The following STAB2 variants were observed in gnomAD, a reference collection of about 807,000 sequenced individuals.
STAB2 encodes the protein stabilin-2.
STAB2 carries 288 observed loss-of-function variants against 338.1 expected under a neutral mutation model. The observed-to-expected ratio is 0.85, with a 90% CI of 0.77 to 0.94. The LOEUF (loss-of-function observed/expected upper bound fraction) is 0.94. Ranked by LOEUF, STAB2 falls within the 40% of genes least tolerant of loss-of-function variation. STAB2 has a pLI of 0.00. For synonymous variants in STAB2, 1,202 were observed against 1,193.3 expected, an observed-to-expected ratio of 1.01 and a Z score of -0.15; for missense variants, 3,141 against 3,210.1, an observed-to-expected ratio of 0.98 and a Z score of 0.52.
intron 60 of STAB2, 51 bp downstream of exon 60, chr12:103,750,771 G>C: frequency 1.9e-6 from 3 of 1,562,696 alleles, no homozygotes; most frequent in Non-Finnish European, 2.6e-6. Flanking sequence ...TTCAGGCCTG[G>C]GGAAGGGACC....
chr12:103,594,403 T>C lies in STAB2; in HGVS notation c.224T>C (p.Phe75Ser), dbSNP rs762080838. 5.6e-6 allele frequency: 9 copies of C among 1,613,776 alleles called. No individual in the cohort carries two copies. Among genetic ancestry groups the C allele is most frequent in the Non-Finnish European group, 7.6e-6 (9 of 1,179,706 alleles). Reference sequence around the variant, plus strand: ...TCTCTTTACCCTCCAAGGTACACCTTTGAGGTCAGAACATACTCTCTGTCT... The same window carrying C: ...TCTCTTTACCCTCCAAGGTACACCTCTGAGGTCAGAACATACTCTCTGTCT... ...SVGVRDCRYT[F>S]EVRTYSLSLP... The change falls in exon 3 of 69, where the codon TTT becomes TCT. Residue 75 changes from phenylalanine to serine, a missense_variant. Coordinates refer to ENST00000388887, the MANE Select transcript of STAB2 (RefSeq NM_017564.10).
In STAB2 at chr12:103,587,573, C is replaced by T; in HGVS notation, c.81+16C>T. On this transcript the variant is annotated intron_variant, in intron 1 of 68. Coordinates refer to ENST00000388887, the MANE Select transcript of STAB2 (RefSeq NM_017564.10). The stretch of plus-strand genomic sequence containing the variant: ...CACAGGGCAGGTAAGAGGAGACTTA[C>T]ATATTTTTTTCATTTGTTAATTGTC... 2 of 1,606,500 alleles carry T rather than the reference C, an allele frequency of 1.2e-6. No individual in the cohort carries two copies. Among genetic ancestry groups the T allele is most frequent in the Non-Finnish European group, 1.7e-6 (2 of 1,173,712 alleles).
At chr12:103,727,100 T>G (rs778577399) in intron 46 of STAB2, among the ~76,000 whole-genome samples, 167 bp from the exon 47 acceptor site, 2 of 152,216 alleles carry the variant, frequency 1.3e-5, no homozygotes, top group Non-Finnish European at 2.9e-5. Context: ...CCACACACAA[T>G]TTCAACGACG....
intron 5 of STAB2, among the ~76,000 whole-genome samples, chr12:103,626,746 G>A (rs2138651548): frequency 6.6e-6 from 1 of 152,316 alleles, no homozygotes; most frequent in East Asian, 1.9e-4. Context: ...CATTCTGCCT[G>A]TAAGTAGGAC....
chr12:103,606,141 T>C (rs1957024831), intron 3 of STAB2, among the ~76,000 whole-genome samples: 1 of 152,146 alleles, frequency 6.6e-6, no homozygotes, highest in South Asian at 2.1e-4. Flanking sequence ...ACACCCTTTG[T>C]TTTTGGCAAT....
chr12:103,610,452 T>C (rs2138595293), intron 3 of STAB2, among the ~76,000 whole-genome samples: 1 of 152,348 alleles, frequency 6.6e-6, no homozygotes, highest in Non-Finnish European at 1.5e-5. Flanking sequence ...CCATTTCTTC[T>C]AGATTTTCTA....
At chr12:103,593,518 T>A (rs12297138) in intron 2 of STAB2, among the ~76,000 whole-genome samples, 1,954 of 152,316 alleles carry the variant, frequency 0.013, 51 homozygotes, top group African/African-American at 0.044. Flanking sequence ...GGACTCTCCT[T>A]CTGCCCACCT....
intron 18 of STAB2, among the ~76,000 whole-genome samples, chr12:103,664,366 A>G (rs10778273): frequency 0.56 from 84,743 of 152,058 alleles, 24,727 homozygotes; most frequent in East Asian, 0.8. Context: ...GGATGGTCTC[A>G]ATCTCCTGAC....
intron 9 of STAB2, among the ~76,000 whole-genome samples, chr12:103,646,714 C>T (rs540240779): frequency 2.0e-5 from 3 of 152,298 alleles, no homozygotes; most frequent in African/African-American, 4.8e-5. Context: ...TAAGAAGGTA[C>T]TTAAATAATC....
intron 41 of STAB2, among the ~76,000 whole-genome samples, 181 bp downstream of exon 41, chr12:103,712,624 C>T (rs1879970754): frequency 6.6e-6 from 1 of 152,104 alleles, no homozygotes; most frequent in Non-Finnish European, 1.5e-5. Flanking sequence ...ACAGCCTTGA[C>T]CACAATTGGG....
rs1228440250 is a variant in STAB2, at chr12:103,689,716, G to A, written c.3046-130G>A. 10 of 1,164,076 alleles carry A rather than the reference G, an allele frequency of 8.6e-6. No individual in the cohort carries two copies. In the African/African-American group the frequency reaches 9.4e-5, roughly 11 times the overall value. 72.1% of individuals were successfully genotyped at this position (1,164,076 alleles called of 1,614,324 possible). ...GAGGCAACAGCCAGTGGGTGGGGTGGATTTGGGAAAGGAGACCCTAGGACC... is the reference window on the plus strand; with the variant it reads ...GAGGCAACAGCCAGTGGGTGGGGTGAATTTGGGAAAGGAGACCCTAGGACC... On this transcript the variant is annotated intron_variant, in intron 28 of 68. Transcript: ENST00000388887.
At chr12:103,648,887 A>T (rs1173361850) in intron 10 of STAB2, 64 bp downstream of exon 10, 20 of 1,579,902 alleles carry the variant, frequency 1.3e-5, no homozygotes, top group African/African-American at 4.1e-5. Context: ...CATCTGCAAG[A>T]TACAATGATT....
At position 103,676,773 on chromosome 12, in the gene STAB2, A is replaced by G. The variant is rs538322018; in HGVS notation, c.2647-680A>G. On this transcript the variant is annotated intron_variant, in intron 24 of 68. Coordinates refer to ENST00000388887, the MANE Select transcript of STAB2 (RefSeq NM_017564.10). Reference sequence around the variant, plus strand: ...GTAACTGGTTTCTTTGCTTCCTCTTATCTACCCACAGTGCATTGTCCACTC... The same window carrying G: ...GTAACTGGTTTCTTTGCTTCCTCTTGTCTACCCACAGTGCATTGTCCACTC... Among the ~76,000 whole-genome samples, 5 of 152,210 alleles carry G rather than the reference A, an allele frequency of 3.3e-5. No individual in the cohort carries two copies. In the East Asian group the frequency reaches 9.7e-4, roughly 29 times the overall value.
At position 103,745,189 on chromosome 12, in the gene STAB2, C is replaced by T. The variant is rs1882924839; in HGVS notation, c.6048C>T (p.Asp2016=). 1 of 1,613,806 alleles carries T rather than the reference C, an allele frequency of 6.2e-7. No homozygotes were observed. Among genetic ancestry groups the T allele is most frequent in the Non-Finnish European group, 8.5e-7 (1 of 1,179,954 alleles). Residue 2016 remains aspartate, a synonymous_variant, in exon 57 of 69, where the codon GAC becomes GAT. Transcript: ENST00000388887. ...TGTTTACAGCCTGTGGCTGCTCAGA[C>T]CACGGACAGTGCGATGATGGCATCA... ...GPDCLPCGCS[D]HGQCDDGITG...
intron 3 of STAB2, among the ~76,000 whole-genome samples, chr12:103,608,768 A>G (rs1375650463): frequency 1.3e-5 from 2 of 152,186 alleles, no homozygotes; most frequent in African/African-American, 2.4e-5. Flanking sequence ...TCCCATGCCT[A>G]TGTCCTGAAT....
At chr12:103,654,760 C>A in intron 13 of STAB2, 62 bp downstream of exon 13, 2 of 1,570,918 alleles carry the variant, frequency 1.3e-6, no homozygotes, top group Non-Finnish European at 8.7e-7. Flanking sequence ...CCTGGAGAGT[C>A]ACATCCAGAG....
chr12:103,710,099 C>T lies in STAB2; in HGVS notation c.4289-1372C>T, dbSNP rs66745626. Among the ~76,000 whole-genome samples the T allele has an allele frequency of 3.1e-3, 465 of 152,260 alleles. 3 individuals are homozygous for T. Among genetic ancestry groups the T allele is most frequent in the African/African-American group, 9.9e-3 (412 of 41,542 alleles). On this transcript the variant is annotated intron_variant, in intron 39 of 68. Coordinates refer to ENST00000388887, the MANE Select transcript of STAB2 (RefSeq NM_017564.10). The stretch of plus-strand genomic sequence containing the variant: ...TTTCCTGTCCTATCTTCCTCCACTC[C>T]GTACTCCCCACTACTGCCAGATAGA...
intron 43 of STAB2, among the ~76,000 whole-genome samples, 154 bp downstream of exon 43, chr12:103,716,042 C>G (rs1459484115): frequency 1.3e-5 from 2 of 152,142 alleles, no homozygotes; most frequent in Non-Finnish European, 2.9e-5. Context: ...AATCAAGAGG[C>G]CCTTCTTTGG....
intron 61 of STAB2, 48 bp downstream of exon 61, chr12:103,753,401 G>A (rs569810672): frequency 2.5e-5 from 41 of 1,612,476 alleles, no homozygotes; most frequent in South Asian, 9.9e-5. Flanking sequence ...CTGCAGGGGC[G>A]GAAGTGCAGC....
Sources: gnomAD v4.1 joint callset for allele counts (sites outside exome capture counted in the v4.1 genomes callset) on GRCh38, gnomAD v4.1.1 for gene constraint, MANE v1.5 for transcripts, NCBI Gene and HGNC (gene_info 2026-07-23, HGNC 2026-07-21) for gene names.